RIMS4: variants seen among roughly 807,000 people sequenced by gnomAD.
RIMS4 encodes regulating synaptic membrane exocytosis 4.
A neutral mutation model predicts 29.0 loss-of-function variants in RIMS4; 9 were observed. The observed-to-expected ratio is 0.31, with a 90% CI of 0.19 to 0.54. The LOEUF is 0.54. Ranked by LOEUF, RIMS4 falls within the 20% of genes least tolerant of loss-of-function variation. The pLI is 0.94. For missense variants in RIMS4, 193 were observed against 365.7 expected (o/e 0.53, Z 3.85); for synonymous variants, 130 against 152.9 (o/e 0.85, Z 1.10).
At chr20:44,768,966 A>G (rs1392357949) in intron 2 of RIMS4, among the ~76,000 whole-genome samples, 1 of 152,226 alleles carries the variant, frequency 6.6e-6, no homozygotes, top group African/African-American at 2.4e-5. Flanking sequence ...GTATTAACAT[A>G]TTGAACCCTC....
rs2066063681 is a variant in RIMS4, at chr20:44,757,027, G to A, written c.462C>T (p.Ile154=). The change falls in exon 5 of 6, where the codon ATC becomes ATT. Residue 154 remains isoleucine (I), a synonymous_variant. Coordinates refer to ENST00000372851, the MANE Select transcript of RIMS4 (RefSeq NM_182970.4). Reference sequence around the variant, plus strand: ...TGCCATTCTCTAGCAGGTAGGCCTTGATGTAGGCCGCTGGGGATAGAGGCC... The same window carrying A: ...TGCCATTCTCTAGCAGGTAGGCCTTAATGTAGGCCGCTGGGGATAGAGGCC... ...PGSKTLPAAY[I]KAYLLENGIC... 1 of 1,613,704 alleles carries A rather than the reference G, an allele frequency of 6.2e-7. No homozygotes were observed. Among genetic ancestry groups the A allele is most frequent in the Non-Finnish European group, 8.5e-7 (1 of 1,179,826 alleles).
rs1327933557 is a variant in RIMS4 at position 44,756,571 on chromosome 20, T to C, written c.592-219A>G. Among the ~76,000 whole-genome samples, 1 of 152,164 alleles carries C rather than the reference T, an allele frequency of 6.6e-6. No homozygotes were observed. The highest frequency in any genetic ancestry group is 2.4e-5 in the African/African-American group (1 of 41,444). On this transcript the variant is annotated intron_variant, in intron 5 of 5. Transcript: ENST00000372851. This position sits in a 1 kb window ranked among gnomAD's most constrained non-coding sequence, Gnocchi z 5.9. ...GTAATGGTGACGGTGACGATGGTAA[T>C]GGGTAGAACACTTGCTGTAGGCAAA...
chr20:44,764,206 C>T (rs371132478), intron 2 of RIMS4, among the ~76,000 whole-genome samples: 4 of 149,726 alleles, frequency 2.7e-5, no homozygotes, highest in South Asian at 2.1e-4. Context: ...ATCCATCCAT[C>T]CATCCACCCA....
intron 1 of RIMS4, among the ~76,000 whole-genome samples, chr20:44,787,787 G>A (rs549170490): frequency 4.6e-5 from 7 of 151,614 alleles, no homozygotes; most frequent in African/African-American, 1.7e-4. Context: ...CTAAAAGTAA[G>A]CATTTTATAA....
At chr20:44,780,777 A>G (rs564268451) in intron 1 of RIMS4, among the ~76,000 whole-genome samples, 1 of 152,280 alleles carries the variant, frequency 6.6e-6, no homozygotes, top group Admixed American at 6.5e-5. Context: ...GGAGGGAGGG[A>G]TAAGTGCCTC....
At chr20:44,784,989 C>G (rs1366843532) in intron 1 of RIMS4, among the ~76,000 whole-genome samples, 1 of 152,224 alleles carries the variant, frequency 6.6e-6, no homozygotes, top group Non-Finnish European at 1.5e-5. Flanking sequence ...AGATTCAGCA[C>G]TTCTCACAAC....
rs115802866 is a variant in RIMS4, at chr20:44,778,155, G to A, written c.98-6742C>T. ...ATACTCAGGCCTCCAGAGCACTGAT[G>A]TTGCCTCTGGCTGTGTCTCCAAGGA... On this transcript the variant is annotated intron_variant, in intron 1 of 5. Transcript: ENST00000372851. Among the ~76,000 whole-genome samples, 1,369 of 152,342 alleles carry A rather than the reference G, an allele frequency of 9.0e-3. 21 individuals carry two copies. The highest frequency in any genetic ancestry group is 0.031 in the African/African-American group (1,302 of 41,578).
At chr20:44,797,598 G>C (rs2066260418) in intron 1 of RIMS4, among the ~76,000 whole-genome samples, 1 of 152,206 alleles carries the variant, frequency 6.6e-6, no homozygotes, top group Non-Finnish European at 1.5e-5. Context: ...TAATAAAATG[G>C]CAGTTTCAGG....
chr20:44,783,566 G>A (rs1475515688), intron 1 of RIMS4, among the ~76,000 whole-genome samples: 1 of 152,126 alleles, frequency 6.6e-6, no homozygotes, highest in Non-Finnish European at 1.5e-5. Context: ...TGAGGTTGCA[G>A]TGAGCTGAGA....
At chr20:44,800,155 G>T (rs1002411356) in intron 1 of RIMS4, among the ~76,000 whole-genome samples, 3 of 152,158 alleles carry the variant, frequency 2.0e-5, no homozygotes, top group African/African-American at 7.2e-5. Context: ...AACTTCTCTG[G>T]AACTCTCACA....
chr20:44,786,630 G>T (rs2145467282), intron 1 of RIMS4, among the ~76,000 whole-genome samples: 1 of 152,322 alleles, frequency 6.6e-6, no homozygotes, highest in Admixed American at 6.5e-5. Flanking sequence ...TACAACTATA[G>T]TCTAAGTGCT....
At chr20:44,787,717 GA>G (rs1407116442) in intron 1 of RIMS4, among the ~76,000 whole-genome samples, 1 of 150,754 alleles carries the variant, frequency 6.6e-6, no homozygotes, top group Non-Finnish European at 1.5e-5. Context: ...AAAAAATAGA[GA>G]TGCACAATGA....
chr20:44,790,515 A>G (rs2066228353), intron 1 of RIMS4, among the ~76,000 whole-genome samples: 1 of 152,128 alleles, frequency 6.6e-6, no homozygotes, highest in African/African-American at 2.4e-5. Flanking sequence ...GTCCCACAAC[A>G]GATATGATTC....
chr20:44,790,637 G>A (rs2092492039), intron 1 of RIMS4, among the ~76,000 whole-genome samples: 1 of 152,244 alleles, frequency 6.6e-6, no homozygotes, highest in Admixed American at 6.5e-5. Context: ...CCCAGTGCAG[G>A]TGCTCACTAA....
rs565099211 is a variant in RIMS4 at position 44,754,410 on chromosome 20, G to A, written c.*1724C>T. The A allele has an allele frequency of 3.2e-5, 5 of 158,036 alleles. No homozygotes were observed. Among genetic ancestry groups the A allele is most frequent in the South Asian group, 1.9e-4 (1 of 5,224 alleles). The allele number at this position is 158,036 out of a possible 1,614,324, so 9.8% of individuals were successfully genotyped here. On this transcript the variant is annotated 3_prime_UTR_variant, in exon 6 of 6. Coordinates refer to ENST00000372851, the MANE Select transcript of RIMS4 (RefSeq NM_182970.4). The stretch of plus-strand genomic sequence containing the variant: ...GCCTGGTGGGACTGGGACCGGGACC[G>A]GGACCAGGAACAGGGTGGGACCAAA...
chr20:44,793,618 G>A (rs2066242251), intron 1 of RIMS4, among the ~76,000 whole-genome samples: 1 of 152,196 alleles, frequency 6.6e-6, no homozygotes, highest in African/African-American at 2.4e-5. Flanking sequence ...GGCCATTTGG[G>A]CAGGGAATTT....
intron 1 of RIMS4, among the ~76,000 whole-genome samples, chr20:44,800,683 A>G (rs1250407563): frequency 1.3e-5 from 2 of 152,016 alleles, no homozygotes; most frequent in Non-Finnish European, 2.9e-5. Context: ...CAAGTGTCCT[A>G]CCTTCTCTGG....
At chr20:44,758,764 T>C (rs1180235902) in intron 2 of RIMS4, among the ~76,000 whole-genome samples, 1 of 152,140 alleles carries the variant, frequency 6.6e-6, no homozygotes, top group African/African-American at 2.4e-5. Flanking sequence ...CCAACAAGAA[T>C]CAGGCCTGGA....
intron 1 of RIMS4, among the ~76,000 whole-genome samples, chr20:44,804,306 C>T (rs1385605853): frequency 6.6e-6 from 1 of 151,792 alleles, no homozygotes; most frequent in African/African-American, 2.4e-5. Context: ...CCCTTTTTTT[C>T]CAGATGAGGC....
Sources: allele counts gnomAD v4.1 joint callset (sites outside exome capture counted in the v4.1 genomes callset), GRCh38; gene constraint gnomAD v4.1.1; non-coding constraint Gnocchi (gnomAD v3.1); transcripts MANE v1.5; gene names NCBI Gene and HGNC (gene_info 2026-07-23, HGNC 2026-07-21).